SAMD5: variants seen among roughly 807,000 people sequenced by gnomAD.
The protein encoded by SAMD5 is sterile alpha motif domain containing 5, also known as sterile alpha motif domain-containing protein 5.
In SAMD5, 13 loss-of-function variants were observed where a neutral mutation model predicts 11.3. The observed-to-expected ratio is 1.15, with a 90% CI of 0.75 to 1.83. SAMD5 has a LOEUF of 1.83. SAMD5 is among the 40% of genes most tolerant of loss of function. The probability of loss-of-function intolerance (pLI) is 0.00; values close to 1 mark genes in which losing one functional copy is unlikely to be tolerated. For synonymous variants in SAMD5, 129 were observed against 111.3 expected (o/e 1.16, Z -1.00); for missense variants, 255 against 239.1 (o/e 1.07, Z -0.44).
chr6:147,841,873 A>T, the SAMD5 span, among the ~76,000 whole-genome samples: 3 of 152,214 alleles, frequency 2.0e-5, no homozygotes, highest in Admixed American at 2.0e-4. Flanking sequence ...TCAGTTCAAA[A>T]ATAAAGCACA....
the SAMD5 span, among the ~76,000 whole-genome samples, chr6:147,908,716 GA>G: frequency 6.6e-6 from 1 of 152,316 alleles, no homozygotes; most frequent in East Asian, 1.9e-4. Context: ...AACAATAGGA[GA>G]AAATTTTAGG....
intron 1 of SAMD5, among the ~76,000 whole-genome samples, chr6:147,601,774 A>C (rs557152442): frequency 1.3e-5 from 2 of 152,206 alleles, no homozygotes; most frequent in Non-Finnish European, 2.9e-5. Context: ...GAATCATGGT[A>C]TGTTGCCGGT....
intron 1 of SAMD5, among the ~76,000 whole-genome samples, chr6:147,593,259 G>C (rs1251791128): frequency 2.0e-5 from 3 of 152,102 alleles, no homozygotes; most frequent in African/African-American, 7.2e-5. Context: ...AATTAGACCT[G>C]TCTCCCTATC....
chr6:147,546,244 C>T (rs1460628093), intron 1 of SAMD5, among the ~76,000 whole-genome samples: 3 of 152,056 alleles, frequency 2.0e-5, no homozygotes, highest in Non-Finnish European at 4.4e-5. Context: ...AAGACTGAGG[C>T]CTGGGCTGGG....
intron 1 of SAMD5, among the ~76,000 whole-genome samples, chr6:147,640,497 CAAAAAAAAAAAA>C (rs1172694444): frequency 7.4e-4 from 18 of 24,188 alleles, no homozygotes; most frequent in Non-Finnish European, 8.7e-4. Flanking sequence ...GACTCTGTCG[CAAAAAAAAAAAA>C]AAAAAAAAAA....
At chr6:147,855,143 A>G in the SAMD5 span, among the ~76,000 whole-genome samples, 3 of 152,316 alleles carry the variant, frequency 2.0e-5, no homozygotes, top group East Asian at 5.8e-4. Context: ...TTATTGCTGA[A>G]TGACTAAGTG....
intron 1 of SAMD5, among the ~76,000 whole-genome samples, chr6:147,606,376 CT>C (rs1789700061): frequency 6.6e-6 from 1 of 151,666 alleles, no homozygotes; most frequent in South Asian, 2.1e-4. Context: ...TTTAATAGTG[CT>C]CTTGGACTTA....
At chr6:147,813,515 G>T in the SAMD5 span, among the ~76,000 whole-genome samples, 1 of 152,000 alleles carries the variant, frequency 6.6e-6, no homozygotes, top group African/African-American at 2.4e-5. Flanking sequence ...AAATAATATT[G>T]CCCTTTGACA....
intron 1 of SAMD5, among the ~76,000 whole-genome samples, chr6:147,539,194 A>T (rs1351750908): frequency 6.6e-6 from 1 of 152,212 alleles, no homozygotes; most frequent in Non-Finnish European, 1.5e-5. Context: ...AAATAACTCC[A>T]GGAGAAGACA....
chr6:147,730,205 T>A (rs928782799), intron 1 of SAMD5: 2 of 393,496 alleles, frequency 5.1e-6, no homozygotes, highest in Admixed American at 7.1e-5. Context: ...GCTTTCACTC[T>A]TGTTGAAATT....
At chr6:147,747,053 G>A in the SAMD5 span, among the ~76,000 whole-genome samples, 109 of 152,244 alleles carry the variant, frequency 7.2e-4, 1 homozygote, top group East Asian at 0.02. Flanking sequence ...TTCTCCTCTG[G>A]GTACCAGTGT....
chr6:147,597,487 T>C (rs1362149778), intron 1 of SAMD5, among the ~76,000 whole-genome samples: 1 of 152,210 alleles, frequency 6.6e-6, no homozygotes, highest in Non-Finnish European at 1.5e-5. Flanking sequence ...TACTTCTCTG[T>C]CGTGAATTGA....
the SAMD5 span, among the ~76,000 whole-genome samples, chr6:147,792,224 GC>G: frequency 6.6e-6 from 1 of 152,138 alleles, no homozygotes; most frequent in African/African-American, 2.4e-5. Flanking sequence ...ATCGCTAAAT[GC>G]AAAAGTAACT....
chr6:147,683,597 AT>A (rs1007071264), intron 1 of SAMD5, among the ~76,000 whole-genome samples: 12 of 151,724 alleles, frequency 7.9e-5, no homozygotes, highest in African/African-American at 2.9e-4. Flanking sequence ...ATGGTTTCCT[AT>A]TTTGCATGGA....
At chr6:147,721,064 T>C (rs1289657249) in intron 1 of SAMD5, among the ~76,000 whole-genome samples, 115 of 119,336 alleles carry the variant, frequency 9.6e-4, no homozygotes, top group African/African-American at 2.2e-3. Flanking sequence ...TTCCATGGTG[T>C]ATATGTGCCA....
chr6:147,510,898 G>T (rs1301172393), intron 1 of SAMD5, among the ~76,000 whole-genome samples: 2 of 152,218 alleles, frequency 1.3e-5, no homozygotes, highest in Admixed American at 1.3e-4. Context: ...TTGCCTGTAT[G>T]TAGGAGTTCC....
intron 1 of SAMD5, among the ~76,000 whole-genome samples, chr6:147,602,463 G>A (rs1789632446): frequency 6.6e-6 from 1 of 152,144 alleles, no homozygotes; most frequent in African/African-American, 2.4e-5. Context: ...CACCCAATAG[G>A]CCAGGCGTGG....
chr6:147,740,971 A>C (rs1375160476), downstream of SAMD5, among the ~76,000 whole-genome samples: 3 of 152,212 alleles, frequency 2.0e-5, no homozygotes, highest in Non-Finnish European at 2.9e-5. Context: ...GCTGGGATTC[A>C]AAATTGACTG....
In SAMD5 at chr6:147,671,198, C is replaced by A. The variant is rs189579315; in HGVS notation, c.163-66119C>A. On this transcript the variant is annotated intron_variant, in intron 1 of 1. Transcript: ENST00000566741. ...CATCATGTGGGAGCAGTTTGTGGCACCCCGCAACAACTACAGGGGTAACAT... is the reference window on the plus strand; with the variant it reads ...CATCATGTGGGAGCAGTTTGTGGCAACCCGCAACAACTACAGGGGTAACAT... Among the ~76,000 whole-genome samples the A allele has an allele frequency of 9.9e-4, 151 of 152,234 alleles. 1 individual carries two copies. Among genetic ancestry groups the A allele is most frequent in the African/African-American group, 3.5e-3 (145 of 41,540 alleles).
Sources: allele counts gnomAD v4.1 joint callset (sites outside exome capture counted in the v4.1 genomes callset), GRCh38; gene constraint gnomAD v4.1.1; transcripts MANE v1.5; gene names NCBI Gene and HGNC (gene_info 2026-07-23, HGNC 2026-07-21).